The following SLC6A7 variants were observed in gnomAD, a reference collection of about 807,000 sequenced individuals.
The protein encoded by SLC6A7 is sodium-dependent proline transporter.
A neutral mutation model predicts 73.1 loss-of-function variants in SLC6A7; 58 were observed. The ratio of observed to expected loss-of-function variants is 0.79; its 90% CI spans 0.64 to 0.99. The LOEUF (loss-of-function observed/expected upper bound fraction) is 0.99. Among genes scored for constraint, SLC6A7 ranks in the 50% least tolerant of loss-of-function variants. The probability of loss-of-function intolerance (pLI) is 0.00; values close to 1 mark genes in which losing one functional copy is unlikely to be tolerated. For synonymous variants in SLC6A7, 338 were observed against 338.7 expected (o/e 1.00, Z 0.02); for missense variants, 783 against 831.4 (o/e 0.94, Z 0.72).
At chr5:150,193,024 G>C (rs1354346714) in intron 1 of SLC6A7, among the ~76,000 whole-genome samples, 1 of 152,194 alleles carries the variant, frequency 6.6e-6, no homozygotes, top group Non-Finnish European at 1.5e-5. Flanking sequence ...ACTTAAGTCT[G>C]GGATCTGCTG....
In SLC6A7 at chr5:150,194,965, G is replaced by C. The variant is rs1752951938; in HGVS notation, c.217+54G>C. The C allele has an allele frequency of 2.6e-6, 4 of 1,513,268 alleles. No individual in the cohort carries two copies. The Admixed American group carries it at 5.2e-5, about 20-fold the overall frequency. The allele number at this position is 1,513,268 out of a possible 1,614,324, so 93.7% of individuals were successfully genotyped here. Reference sequence around the variant, plus strand: ...GTCTGGGGTGATGGGCCAAGGCCCTGGGGTACAGTGAGCTTTTAGGTGGCC... The same window carrying C: ...GTCTGGGGTGATGGGCCAAGGCCCTCGGGTACAGTGAGCTTTTAGGTGGCC... On this transcript the variant is annotated intron_variant, in intron 2 of 13. Transcript: ENST00000230671.
chr5:150,201,227 A>T lies in SLC6A7; in HGVS notation c.858+4A>T. On this transcript the variant is annotated splice_donor_region_variant and intron_variant, in intron 6 of 13. Coordinates refer to ENST00000230671, the MANE Select transcript of SLC6A7 (RefSeq NM_014228.5). Reference sequence around the variant, plus strand: ...CCACCACTTGTTGTCTTCCAAGGTGAGCCCCTCAGGGCGGGGTGCAGAGGG... The same window carrying T: ...CCACCACTTGTTGTCTTCCAAGGTGTGCCCCTCAGGGCGGGGTGCAGAGGG... 1.2e-6 allele frequency: 2 copies of T among 1,605,068 alleles called. No individual in the cohort carries two copies. The highest frequency in any genetic ancestry group is 1.7e-6 in the Non-Finnish European group (2 of 1,175,510).
At chr5:150,205,776 G>A (rs1247203150) in intron 13 of SLC6A7, among the ~76,000 whole-genome samples, 153 bp downstream of exon 13, 3 of 152,234 alleles carry the variant, frequency 2.0e-5, no homozygotes, top group African/African-American at 7.2e-5. Flanking sequence ...TTCAGGGGCT[G>A]GAGTCCTGCC....
chr5:150,198,865 G>T (rs972696691), intron 4 of SLC6A7, among the ~76,000 whole-genome samples: 1 of 105,632 alleles, frequency 9.5e-6, no homozygotes, highest in Admixed American at 9.2e-5. Flanking sequence ...TGTGTGTGTG[G>T]TGTACACATG....
At position 150,197,121 on chromosome 5, in the gene SLC6A7, C is replaced by T. The variant is rs1753072039; in HGVS notation, c.429C>T (p.Tyr143=). The T allele has an allele frequency of 6.2e-7, 1 of 1,614,020 alleles. No homozygotes were observed. The highest frequency in any genetic ancestry group is 8.5e-7 in the Non-Finnish European group (1 of 1,180,018). ...YNMIIAYVLF[Y]LFASLTSDLP... ...TGATCATCGCCTACGTGCTCTTCTA[C>T]CTCTTCGCCTCCCTCACCAGCGACC... The change falls in exon 4 of 14, where the codon TAC becomes TAT. Residue 143 remains tyrosine, a synonymous_variant. Coordinates refer to ENST00000230671, the MANE Select transcript of SLC6A7 (RefSeq NM_014228.5).
In SLC6A7 at chr5:150,210,354, G is replaced by A. The variant is rs1367344754; in HGVS notation, c.*739G>A. 1 of 153,394 alleles carries A rather than the reference G, an allele frequency of 6.5e-6. No individual in the cohort carries two copies. The highest frequency in any genetic ancestry group is 2.4e-5 in the African/African-American group (1 of 41,444). The allele number at this position is 153,394 out of a possible 1,614,324, so 9.5% of individuals were successfully genotyped here. A position where few individuals can be genotyped will look rare whatever the true frequency, so the allele number is the denominator to read the frequency against. Reference sequence around the variant, plus strand: ...TTTACCAGGTTACAGGAGGGTTCAAGACAGAAGGAAAACTAACAGAGGGGG... The same window carrying A: ...TTTACCAGGTTACAGGAGGGTTCAAAACAGAAGGAAAACTAACAGAGGGGG... On this transcript the variant is annotated 3_prime_UTR_variant, in exon 14 of 14. Coordinates refer to ENST00000230671, the MANE Select transcript of SLC6A7 (RefSeq NM_014228.5).
intron 5 of SLC6A7, among the ~76,000 whole-genome samples, chr5:150,199,670 G>A (rs1275758163): frequency 6.6e-6 from 1 of 152,224 alleles, no homozygotes; most frequent in Non-Finnish European, 1.5e-5. Context: ...AACACTTAGA[G>A]TGTGAGTGCA....
rs1368007536 is a variant in SLC6A7, at chr5:150,205,447, A to G, written c.1534-9A>G. ...GCCCGCAGTGATGCTGGGAGTCCCC[A>G]CTCTGCAGGCCCTCATGGTGTATAG... is the stretch of plus-strand genomic sequence containing the variant. On this transcript the variant is annotated splice_polypyrimidine_tract_variant and intron_variant, in intron 12 of 13. Coordinates refer to ENST00000230671, the MANE Select transcript of SLC6A7 (RefSeq NM_014228.5). 6.3e-7 allele frequency: 1 copy of G among 1,580,208 alleles called. No homozygotes were observed. Among genetic ancestry groups the G allele is most frequent in the Non-Finnish European group, 8.6e-7 (1 of 1,161,524 alleles).
chr5:150,197,885 CA>C (rs1753117707), intron 4 of SLC6A7, among the ~76,000 whole-genome samples: 2 of 152,186 alleles, frequency 1.3e-5, no homozygotes, highest in South Asian at 4.2e-4. Flanking sequence ...CAGAATTAAA[CA>C]ACATAATGCA....
At chr5:150,198,049 G>GAGAAAGAA (rs1554115584) in intron 4 of SLC6A7, among the ~76,000 whole-genome samples, 1,748 of 103,632 alleles carry the variant, frequency 0.017, 44 homozygotes, top group Middle Eastern at 0.043. Flanking sequence ...AAAGAAGAAA[G>GAGAAAGAA]AGAAAGAAAG....
intron 4 of SLC6A7, among the ~76,000 whole-genome samples, chr5:150,197,625 G>A (rs1314024535): frequency 1.3e-5 from 2 of 152,036 alleles, no homozygotes; most frequent in Non-Finnish European, 2.9e-5. Context: ...TGATGATGAT[G>A]ATAACAGTAA....
intron 12 of SLC6A7, 35 bp downstream of exon 12, chr5:150,204,962 GC>G: frequency 7.5e-7 from 1 of 1,339,288 alleles, no homozygotes; most frequent in South Asian, 1.2e-5. Flanking sequence ...TCTGGCTGGG[GC>G]CCCAGAATTG....
chr5:150,209,781 C>A lies in SLC6A7; in HGVS notation c.*166C>A. On this transcript the variant is annotated 3_prime_UTR_variant, in exon 14 of 14. Transcript: ENST00000230671. The stretch of plus-strand genomic sequence containing the variant: ...GTCCCTTCTGCAGCCTCTGCCTCTC[C>A]TGAAACCTCTGACAACCCCCTACAC... 1 of 632,856 alleles carries A rather than the reference C, an allele frequency of 1.6e-6. No homozygotes were observed. Among genetic ancestry groups the A allele is most frequent in the Admixed American group, 2.7e-5 (1 of 37,694 alleles). The allele number at this position is 632,856 out of a possible 1,614,324, so 39.2% of individuals were successfully genotyped here.
rs1753517760 is a variant in SLC6A7 at position 150,203,783 on chromosome 5, A to G, written c.1200+4A>G. The G allele has an allele frequency of 6.4e-7, 1 of 1,559,122 alleles. No homozygotes were observed. On this transcript the variant is annotated splice_donor_region_variant and intron_variant, in intron 9 of 13. Coordinates refer to ENST00000230671, the MANE Select transcript of SLC6A7 (RefSeq NM_014228.5). ...GACTCTCGGCCTAGATAGCCAGGTGAGTCTCGTCTGTGGCAGCAGGCACCC... is the reference window on the plus strand; with the variant it reads ...GACTCTCGGCCTAGATAGCCAGGTGGGTCTCGTCTGTGGCAGCAGGCACCC...
Position 150,197,294 on chromosome 5 carries a change from C to A in SLC6A7, c.584+18C>A. 1 of 1,540,048 alleles carries A rather than the reference C, an allele frequency of 6.5e-7. No homozygotes were observed. The highest frequency in any genetic ancestry group is 8.9e-7 in the Non-Finnish European group (1 of 1,125,066). On this transcript the variant is annotated intron_variant, in intron 4 of 13. Coordinates refer to ENST00000230671, the MANE Select transcript of SLC6A7 (RefSeq NM_014228.5). ...TACTGGAGGTCAGGCAGCTGCTGGCCCCGCGGCATCTGAGGGGACCCTGCA... is the reference window on the plus strand; with the variant it reads ...TACTGGAGGTCAGGCAGCTGCTGGCACCGCGGCATCTGAGGGGACCCTGCA...
rs1053256462 is a variant in SLC6A7, at chr5:150,190,154, G to T, written c.-174G>T. 7.8e-6 allele frequency: 4 copies of T among 510,816 alleles called. No homozygotes were observed. Among genetic ancestry groups the T allele is most frequent in the Non-Finnish European group, 1.3e-5 (4 of 299,180 alleles). 31.6% of individuals were successfully genotyped at this position (510,816 alleles called of 1,614,324 possible). ...CAGGGACAGACAAGGCATTCGCAGC[G>T]CCCTGCCCGCGCTCCACGCCCGCAG... is the stretch of plus-strand genomic sequence containing the variant. On this transcript the variant is annotated 5_prime_UTR_variant, in exon 1 of 14. Coordinates refer to ENST00000230671, the MANE Select transcript of SLC6A7 (RefSeq NM_014228.5).
intron 9 of SLC6A7, 26 bp from the exon 10 acceptor site, chr5:150,203,881 A>AC: frequency 6.3e-7 from 1 of 1,584,734 alleles, no homozygotes; most frequent in Non-Finnish European, 8.6e-7. Context: ...TAGAATTCTG[A>AC]CCCCCAGCCC....
chr5:150,191,079 C>T (rs939693732), intron 1 of SLC6A7, among the ~76,000 whole-genome samples: 2 of 152,168 alleles, frequency 1.3e-5, no homozygotes, highest in Admixed American at 6.5e-5. Context: ...TACTGGGGGA[C>T]GTTTTCTGGC....
Position 150,204,836 on chromosome 5 carries a change from G to A in SLC6A7, c.1442G>A (p.Arg481Lys), listed in dbSNP as rs149700355. The change falls in exon 12 of 14, where the codon AGG becomes AAG. Residue 481 changes from arginine to lysine, a missense_variant. Transcript: ENST00000230671. Reference protein sequence around the residue: ...LAVTRVYGIQRFCRDIHMMLG... With the variant: ...LAVTRVYGIQKFCRDIHMMLG... ...CCCCTCCCCTGTGCAGGCATTCAGA[G>A]GTTCTGCCGAGACATCCACATGATG... 3 of 1,611,804 alleles carry A rather than the reference G, an allele frequency of 1.9e-6. No homozygotes were observed. Among genetic ancestry groups the A allele is most frequent in the Non-Finnish European group, 2.5e-6 (3 of 1,178,170 alleles).
Sources: allele counts gnomAD v4.1 joint callset (sites outside exome capture counted in the v4.1 genomes callset), GRCh38; gene constraint gnomAD v4.1.1; transcripts MANE v1.5; gene names NCBI Gene and HGNC (gene_info 2026-07-23, HGNC 2026-07-21).